The following TAFA2 variants were observed in gnomAD, a reference collection of about 807,000 sequenced individuals.
The protein encoded by TAFA2 is TAFA chemokine like family member 2, also known as chemokine-like protein TAFA-2.
A neutral mutation model predicts 18.8 loss-of-function variants in TAFA2; 7 were observed. That is an observed-to-expected ratio of 0.37 (90% confidence interval 0.21 to 0.70). The LOEUF (loss-of-function observed/expected upper bound fraction) is 0.70. TAFA2 is among the 30% of genes least tolerant of loss of function. The pLI is 0.53. For synonymous variants in TAFA2, 60 were observed against 54.2 expected, an observed-to-expected ratio of 1.11 and a Z score of -0.47; for missense variants, 122 against 158.1, an observed-to-expected ratio of 0.77 and a Z score of 1.23.
At chr12:61,914,476 G>C (rs1006307497) in intron 1 of TAFA2, among the ~76,000 whole-genome samples, 2 of 152,106 alleles carry the variant, frequency 1.3e-5, no homozygotes, top group Non-Finnish European at 2.9e-5. Context: ...TAGAAAGCCT[G>C]GTTTTTTGAA....
intron 1 of TAFA2, among the ~76,000 whole-genome samples, chr12:62,219,741 G>T (rs148036829): frequency 9.9e-5 from 15 of 152,188 alleles, no homozygotes; most frequent in African/African-American, 3.6e-4. Context: ...CATGAAAACT[G>T]TGCCTCCTTC....
intron 4 of TAFA2, among the ~76,000 whole-genome samples, chr12:61,729,634 T>C (rs1046117611): frequency 4.6e-5 from 7 of 151,956 alleles, no homozygotes; most frequent in Admixed American, 1.3e-4. Context: ...TTCTGTATTA[T>C]TTTTTAAATT....
chr12:62,235,674 C>A (rs1390486981), intron 1 of TAFA2, among the ~76,000 whole-genome samples: 1 of 152,142 alleles, frequency 6.6e-6, no homozygotes, highest in South Asian at 2.1e-4. Context: ...ATGAGTTTCT[C>A]ATTTAATGGT....
At chr12:62,107,704 T>A (rs916540198) in intron 1 of TAFA2, among the ~76,000 whole-genome samples, 1 of 152,144 alleles carries the variant, frequency 6.6e-6, no homozygotes, top group African/African-American at 2.4e-5. Flanking sequence ...TGCAAATTCA[T>A]AACAGCCTCC....
chr12:61,999,479 C>T (rs1880308746), intron 1 of TAFA2, among the ~76,000 whole-genome samples: 1 of 152,116 alleles, frequency 6.6e-6, no homozygotes, highest in African/African-American at 2.4e-5. Flanking sequence ...GTGGATACGG[C>T]TTCCTAAAAT....
chr12:62,120,893 T>C (rs1870163262), intron 1 of TAFA2, among the ~76,000 whole-genome samples: 1 of 152,182 alleles, frequency 6.6e-6, no homozygotes, highest in South Asian at 2.1e-4. Context: ...TTCGCTCTTA[T>C]TGCCCACGCT....
intron 1 of TAFA2, among the ~76,000 whole-genome samples, chr12:61,931,402 G>A (rs1877549390): frequency 1.3e-5 from 2 of 152,178 alleles, no homozygotes; most frequent in Admixed American, 1.3e-4. Context: ...AAGGCACAGT[G>A]TCTGATCTTA....
chr12:62,215,192 A>AATGTCT (rs2062729299), intron 1 of TAFA2, among the ~76,000 whole-genome samples: 1 of 152,230 alleles, frequency 6.6e-6, no homozygotes, highest in Non-Finnish European at 1.5e-5. Context: ...AACAAAAGTC[A>AATGTCT]ATGTCTACTT....
chr12:62,092,308 T>C (rs1184298241), intron 1 of TAFA2, among the ~76,000 whole-genome samples: 2 of 151,924 alleles, frequency 1.3e-5, no homozygotes, highest in Non-Finnish European at 2.9e-5. Context: ...TGTAACTTCA[T>C]CTTCTATTAC....
chr12:61,794,844 A>C (rs1233379213), intron 2 of TAFA2, among the ~76,000 whole-genome samples: 1 of 152,166 alleles, frequency 6.6e-6, no homozygotes, highest in Non-Finnish European at 1.5e-5. Context: ...ACAAAGGGCT[A>C]ATATCCAGAA....
chr12:61,841,953 A>T (rs1190254527), intron 2 of TAFA2, among the ~76,000 whole-genome samples: 1 of 152,114 alleles, frequency 6.6e-6, no homozygotes, highest in African/African-American at 2.4e-5. Flanking sequence ...GAAAGATGGA[A>T]GACCAAATAG....
intron 1 of TAFA2, among the ~76,000 whole-genome samples, chr12:61,917,908 G>A (rs955396227): frequency 1.4e-4 from 21 of 151,326 alleles, no homozygotes; most frequent in Admixed American, 7.9e-4. Flanking sequence ...ATTCAGGAGC[G>A]CTGTGAATCT....
chr12:61,726,075 C>T (rs1014326183), intron 4 of TAFA2, among the ~76,000 whole-genome samples: 1 of 150,966 alleles, frequency 6.6e-6, no homozygotes, highest in African/African-American at 2.4e-5. Flanking sequence ...ATCATTTACA[C>T]ATTTCTAATC....
rs554132465 is a variant in TAFA2 at position 61,915,498 on chromosome 12, C to T, written c.-1-48072G>A. Among the ~76,000 whole-genome samples the T allele has an allele frequency of 1.2e-3, 183 of 152,206 alleles. 2 individuals are homozygous for T. Among genetic ancestry groups the T allele is most frequent in the Admixed American group, 7.1e-3 (109 of 15,296 alleles). ...AGCTATATAGAGAGATATTTAAAAACGGGGATTTATTATGAGTATTGGCTT... is the reference window on the plus strand; with the variant it reads ...AGCTATATAGAGAGATATTTAAAAATGGGGATTTATTATGAGTATTGGCTT... On this transcript the variant is annotated intron_variant, in intron 1 of 4. Coordinates refer to ENST00000416284, the MANE Select transcript of TAFA2 (RefSeq NM_178539.5).
chr12:62,139,336 G>A (rs2062222545), intron 1 of TAFA2, among the ~76,000 whole-genome samples: 1 of 152,166 alleles, frequency 6.6e-6, no homozygotes, highest in East Asian at 1.9e-4. Context: ...AAATGCTTAA[G>A]TATTTTGCAG....
intron 1 of TAFA2, among the ~76,000 whole-genome samples, chr12:61,870,159 G>T (rs1031581): frequency 0.82 from 124,670 of 152,182 alleles, 51,305 homozygotes; most frequent in African/African-American, 0.91. Context: ...TGTAAGGACT[G>T]GTATTTTCTT....
intron 2 of TAFA2, among the ~76,000 whole-genome samples, chr12:61,797,939 G>T: frequency 6.6e-6 from 1 of 152,234 alleles, no homozygotes; most frequent in Middle Eastern, 3.4e-3. Context: ...ATCATATACA[G>T]TGTCTACTCA....
chr12:62,116,503 A>G (rs1248074562), intron 1 of TAFA2, among the ~76,000 whole-genome samples: 1 of 152,240 alleles, frequency 6.6e-6, no homozygotes, highest in Non-Finnish European at 1.5e-5. Context: ...GGATTTATTT[A>G]TTTAACAGTG....
At chr12:61,870,878 C>T (rs1426537388) in intron 1 of TAFA2, among the ~76,000 whole-genome samples, 1 of 152,082 alleles carries the variant, frequency 6.6e-6, no homozygotes, top group Non-Finnish European at 1.5e-5. Flanking sequence ...TATTATAATC[C>T]ACCTACTTAT....
Sources: allele counts gnomAD v4.1 joint callset (sites outside exome capture counted in the v4.1 genomes callset), GRCh38; gene constraint gnomAD v4.1.1; transcripts MANE v1.5; gene names NCBI Gene and HGNC (gene_info 2026-07-23, HGNC 2026-07-21).